KAZN: variants seen among roughly 807,000 people sequenced by gnomAD.
The protein encoded by KAZN is kazrin, periplakin interacting protein.
Under a neutral mutation model 87.4 loss-of-function variants are expected in KAZN, and 40 were observed. The observed-to-expected ratio is 0.46, with a 90% CI of 0.36 to 0.60. The LOEUF is 0.60. Ranked by LOEUF, KAZN falls within the 20% of genes least tolerant of loss-of-function variation. KAZN has a pLI of 0.00. For synonymous variants in KAZN, 466 were observed against 458.3 expected, an observed-to-expected ratio of 1.02 and a Z score of -0.22; for missense variants, 898 against 1,073.9, an observed-to-expected ratio of 0.84 and a Z score of 2.29.
At chr1:14,551,397 T>A (rs1437120299) in intron 2 of KAZN, among the ~76,000 whole-genome samples, 1 of 152,212 alleles carries the variant, frequency 6.6e-6, no homozygotes, top group Non-Finnish European at 1.5e-5. Flanking sequence ...TAAACCCCTG[T>A]AGAGAATTTG....
intron 1 of KAZN, among the ~76,000 whole-genome samples, chr1:14,143,676 G>T (rs991411213): frequency 6.6e-6 from 1 of 151,636 alleles, no homozygotes; most frequent in Non-Finnish European, 1.5e-5. Flanking sequence ...CCTGGACTTT[G>T]TAATTGCTCA....
chr1:14,870,142 C>T (rs1651979144), intron 1 of KAZN, among the ~76,000 whole-genome samples: 1 of 152,136 alleles, frequency 6.6e-6, no homozygotes, highest in East Asian at 1.9e-4. Flanking sequence ...CTTCAGACGA[C>T]TGCTGGGGAG....
Position 14,987,856 on chromosome 1 carries a change from C to T in KAZN, c.418+26981C>T, listed in dbSNP as rs76601134. Among the ~76,000 whole-genome samples, 579 of 152,288 alleles carry T rather than the reference C, an allele frequency of 3.8e-3. 24 individuals are homozygous for T. The East Asian group carries it at 0.086, about 23-fold the overall frequency. On this transcript the variant is annotated intron_variant, in intron 2 of 14. Transcript: ENST00000376030. Reference sequence around the variant, plus strand: ...GGGTGTAGGGATACGGGGCCCAGGCCGTTGGACTCTTCTAGCAGGACATAT... The same window carrying T: ...GGGTGTAGGGATACGGGGCCCAGGCTGTTGGACTCTTCTAGCAGGACATAT...
intron 2 of KAZN, among the ~76,000 whole-genome samples, chr1:14,292,795 C>T (rs958391950): frequency 2.0e-4 from 30 of 152,318 alleles, no homozygotes; most frequent in Admixed American, 1.6e-3. Flanking sequence ...AGCTGGAGAG[C>T]GGCTTCCTTC....
chr1:13,950,063 C>T (rs908584195), intron 1 of KAZN, among the ~76,000 whole-genome samples: 6 of 152,218 alleles, frequency 3.9e-5, no homozygotes, highest in Admixed American at 1.3e-4. Context: ...TCTTCCAACA[C>T]ATCCCCACAC....
chr1:14,919,896 G>A (rs1337392652), intron 1 of KAZN, among the ~76,000 whole-genome samples: 2 of 152,120 alleles, frequency 1.3e-5, no homozygotes, highest in Non-Finnish European at 2.9e-5. Flanking sequence ...ATACCATATA[G>A]CCTAGGTGTG....
chr1:14,821,312 G>C (rs1050993659), intron 1 of KAZN, among the ~76,000 whole-genome samples: 14 of 152,098 alleles, frequency 9.2e-5, no homozygotes, highest in Admixed American at 7.9e-4. Context: ...TCAGGAGTTT[G>C]AGACCAGCCT....
At chr1:14,545,588 G>A (rs888252556) in intron 2 of KAZN, among the ~76,000 whole-genome samples, 11 of 152,122 alleles carry the variant, frequency 7.2e-5, no homozygotes, top group African/African-American at 2.7e-4. Flanking sequence ...CTGGCCTCTG[G>A]TAAGAGCTTA....
At chr1:14,152,119 A>G (rs1433999935) in intron 1 of KAZN, among the ~76,000 whole-genome samples, 1 of 152,228 alleles carries the variant, frequency 6.6e-6, no homozygotes, top group Non-Finnish European at 1.5e-5. Flanking sequence ...CACAATAACC[A>G]TATATGGGTA....
intron 1 of KAZN, among the ~76,000 whole-genome samples, chr1:13,955,991 G>A (rs533696241): frequency 1.2e-4 from 19 of 152,248 alleles, no homozygotes; most frequent in Non-Finnish European, 2.4e-4. Flanking sequence ...TGCTCATCAT[G>A]AGCGCCCATC....
chr1:14,847,667 C>T (rs1489392112), intron 1 of KAZN, among the ~76,000 whole-genome samples: 1 of 152,202 alleles, frequency 6.6e-6, no homozygotes, highest in Non-Finnish European at 1.5e-5. Flanking sequence ...CCATTCAGTG[C>T]AGCATTCCCA....
intron 2 of KAZN, among the ~76,000 whole-genome samples, chr1:14,303,410 A>AT (rs1186162298): frequency 1.3e-5 from 2 of 152,024 alleles, no homozygotes; most frequent in African/African-American, 2.4e-5. Context: ...CACCCGGCTA[A>AT]TTTTTTTGTA....
chr1:14,047,426 G>C (rs1051370615), intron 1 of KAZN, among the ~76,000 whole-genome samples: 2 of 152,146 alleles, frequency 1.3e-5, no homozygotes, highest in Admixed American at 6.5e-5. Flanking sequence ...GCACCCCCTG[G>C]AAGTTTCCAC....
At chr1:14,210,150 G>A (rs1301351465) in intron 2 of KAZN, among the ~76,000 whole-genome samples, 2 of 152,172 alleles carry the variant, frequency 1.3e-5, no homozygotes, top group Non-Finnish European at 2.9e-5. Context: ...TATCATGAGA[G>A]GGACACAGTG....
intron 1 of KAZN, among the ~76,000 whole-genome samples, chr1:14,833,521 C>A (rs1338200040): frequency 1.3e-5 from 2 of 152,184 alleles, no homozygotes; most frequent in Non-Finnish European, 2.9e-5. Flanking sequence ...GTGGAGCACA[C>A]CCCTCAGATA....
At chr1:13,987,425 G>T (rs1287618406) in intron 1 of KAZN, among the ~76,000 whole-genome samples, 1 of 152,090 alleles carries the variant, frequency 6.6e-6, no homozygotes, top group Non-Finnish European at 1.5e-5. Context: ...TGTGGTGTTT[G>T]GTTTTCTGTT....
intron 1 of KAZN, among the ~76,000 whole-genome samples, chr1:14,822,961 C>A (rs560013181): frequency 6.6e-6 from 1 of 152,258 alleles, no homozygotes; most frequent in South Asian, 2.1e-4. Flanking sequence ...GGATCACTGG[C>A]GAGGTAAAGG....
intron 2 of KAZN, among the ~76,000 whole-genome samples, chr1:14,581,355 C>T (rs1675534441): frequency 6.6e-6 from 1 of 152,164 alleles, no homozygotes; most frequent in South Asian, 2.1e-4. Context: ...AGCCTGTCAG[C>T]AAAACCTGTG....
At chr1:14,418,058 A>G (rs1664971100) in intron 2 of KAZN, among the ~76,000 whole-genome samples, 1 of 137,084 alleles carries the variant, frequency 7.3e-6, no homozygotes, top group Non-Finnish European at 1.5e-5. Flanking sequence ...ACATCGAAAG[A>G]TTTGCCATCT....
Sources: allele counts gnomAD v4.1 joint callset (sites outside exome capture counted in the v4.1 genomes callset), GRCh38; gene constraint gnomAD v4.1.1; transcripts MANE v1.5; gene names NCBI Gene and HGNC (gene_info 2026-07-23, HGNC 2026-07-21).